TPRG1: variants seen among roughly 807,000 people sequenced by gnomAD.
TPRG1 encodes the protein tumor protein p63-regulated gene 1 protein.
A neutral mutation model predicts 29.3 loss-of-function variants in TPRG1; 29 were observed. The observed-to-expected ratio is 0.99, with a 90% CI of 0.74 to 1.35. TPRG1 has a LOEUF of 1.35. Among genes scored for constraint, TPRG1 ranks in the 40% most tolerant of loss-of-function variants. The pLI is 0.00. For missense variants in TPRG1, 327 were observed against 335.0 expected, an observed-to-expected ratio of 0.98 and a Z score of 0.19; for synonymous variants, 130 against 116.8, an observed-to-expected ratio of 1.11 and a Z score of -0.73.
chr3:189,312,991 T>C (rs1163488010), intron 5 of TPRG1: 1 of 152,152 alleles, frequency 6.6e-6, no homozygotes, highest in Admixed American at 6.6e-5. Context: ...TTCGCGGATC[T>C]GTTAAGTGTA....
intron 3 of TPRG1, among the ~76,000 whole-genome samples, chr3:189,235,146 T>C (rs1739255776): frequency 6.6e-6 from 1 of 151,744 alleles, no homozygotes; most frequent in Admixed American, 6.6e-5. Flanking sequence ...GTAAGGTTTT[T>C]GTAATTTCTC....
intron 1 of TPRG1, among the ~76,000 whole-genome samples, chr3:189,124,357 T>G (rs1722179809): frequency 6.6e-6 from 1 of 152,118 alleles, no homozygotes; most frequent in Non-Finnish European, 1.5e-5. Context: ...CTCCATCCTG[T>G]ATGGTGATTT....
chr3:189,251,762 G>A (rs1163137158), intron 4 of TPRG1, among the ~76,000 whole-genome samples: 4 of 152,162 alleles, frequency 2.6e-5, no homozygotes, highest in Non-Finnish European at 2.9e-5. Flanking sequence ...GCCCTAAGGC[G>A]GTTTTTCCCT....
At chr3:189,294,692 A>G (rs901336472) in intron 4 of TPRG1, among the ~76,000 whole-genome samples, 3 of 152,240 alleles carry the variant, frequency 2.0e-5, no homozygotes, top group African/African-American at 7.2e-5. Context: ...CCTCATAAAT[A>G]TAGCAAATAT....
chr3:189,236,735 A>C (rs911947118), intron 3 of TPRG1, among the ~76,000 whole-genome samples: 2 of 152,184 alleles, frequency 1.3e-5, no homozygotes, highest in African/African-American at 4.8e-5. Context: ...ACCTCAATTA[A>C]TGACCTCATT....
intron 3 of TPRG1, among the ~76,000 whole-genome samples, chr3:189,016,471 G>A (rs1465426671): frequency 6.6e-6 from 1 of 152,096 alleles, no homozygotes. Context: ...GTTGGAATCA[G>A]TTAAGACATT....
intron 4 of TPRG1, among the ~76,000 whole-genome samples, chr3:189,263,441 T>C (rs1221662781): frequency 6.6e-6 from 1 of 152,096 alleles, no homozygotes; most frequent in African/African-American, 2.4e-5. Flanking sequence ...GACATCAAAG[T>C]GGAGATTAGT....
chr3:189,243,397 G>A (rs879257984), intron 4 of TPRG1, among the ~76,000 whole-genome samples: 9 of 152,156 alleles, frequency 5.9e-5, no homozygotes, highest in Non-Finnish European at 1.3e-4. Context: ...GTCCTCCTAG[G>A]CCTCAGGACC....
At chr3:189,280,674 C>T (rs905378931) in intron 4 of TPRG1, among the ~76,000 whole-genome samples, 1 of 152,088 alleles carries the variant, frequency 6.6e-6, no homozygotes, top group African/African-American at 2.4e-5. Flanking sequence ...ACACAGGACT[C>T]GAAGACAGAT....
At chr3:189,050,116 C>CA (rs1259072733) in intron 4 of TPRG1, among the ~76,000 whole-genome samples, 9 of 151,600 alleles carry the variant, frequency 5.9e-5, no homozygotes, top group African/African-American at 2.2e-4. Context: ...AACAAACAAA[C>CA]AAAAAACACA....
intron 4 of TPRG1, among the ~76,000 whole-genome samples, chr3:189,085,445 G>T (rs1341819775): frequency 7.0e-6 from 1 of 143,658 alleles, no homozygotes; most frequent in Non-Finnish European, 1.5e-5. Context: ...GTGTGTGTGT[G>T]CATGTGTGTG....
chr3:189,105,734 C>G (rs766483189), intron 1 of TPRG1, among the ~76,000 whole-genome samples: 1 of 152,048 alleles, frequency 6.6e-6, no homozygotes, highest in Non-Finnish European at 1.5e-5. Flanking sequence ...TTCTTTGAAG[C>G]CTACGGAATA....
intron 4 of TPRG1, among the ~76,000 whole-genome samples, chr3:189,291,060 C>T (rs1208590329): frequency 1.3e-5 from 2 of 152,080 alleles, no homozygotes; most frequent in East Asian, 1.9e-4. Context: ...CACCACCACA[C>T]CTGGCTAATT....
intron 4 of TPRG1, among the ~76,000 whole-genome samples, chr3:189,252,865 T>A (rs1454149461): frequency 1.3e-5 from 2 of 152,212 alleles, no homozygotes; most frequent in Non-Finnish European, 2.9e-5. Context: ...CCCATTTTTT[T>A]ATTTTCAAAA....
intron 4 of TPRG1, among the ~76,000 whole-genome samples, chr3:189,037,822 T>C (rs896423114): frequency 6.6e-6 from 1 of 151,516 alleles, no homozygotes; most frequent in African/African-American, 2.4e-5. Context: ...ATCCATCAAG[T>C]ATAATATACC....
At chr3:189,255,777 T>C (rs1711747273) in intron 4 of TPRG1, among the ~76,000 whole-genome samples, 1 of 152,262 alleles carries the variant, frequency 6.6e-6, no homozygotes, top group South Asian at 2.1e-4. Context: ...CAGGAATTTA[T>C]CCATTTCTTC....
At chr3:189,136,347 C>T (rs770958112) in intron 3 of TPRG1, among the ~76,000 whole-genome samples, 5 of 151,982 alleles carry the variant, frequency 3.3e-5, no homozygotes, top group Admixed American at 6.6e-5. Flanking sequence ...GTGGAGAAGC[C>T]GTTCAAGATG....
intron 1 of TPRG1, among the ~76,000 whole-genome samples, chr3:189,121,041 C>T (rs914570368): frequency 6.6e-6 from 1 of 152,100 alleles, no homozygotes; most frequent in African/African-American, 2.4e-5. Context: ...TCTTCTGTCC[C>T]AGAATGTGGT....
At chr3:189,048,980 C>A (rs1715141465) in intron 4 of TPRG1, among the ~76,000 whole-genome samples, 1 of 152,126 alleles carries the variant, frequency 6.6e-6, no homozygotes, top group Non-Finnish European at 1.5e-5. Flanking sequence ...AGCAGAAAGG[C>A]CTTGAGAGCT....
Sources: gnomAD v4.1 joint callset for allele counts (sites outside exome capture counted in the v4.1 genomes callset) on GRCh38, gnomAD v4.1.1 for gene constraint, MANE v1.5 for transcripts, NCBI Gene and HGNC (gene_info 2026-07-23, HGNC 2026-07-21) for gene names.